The following COLEC10 variants were observed in gnomAD, a reference collection of about 807,000 sequenced individuals.
COLEC10 encodes the protein collectin-10.
COLEC10 carries 22 observed loss-of-function variants against 28.4 expected under a neutral mutation model. The observed-to-expected ratio is 0.78, with a 90% CI of 0.55 to 1.11. COLEC10 has a LOEUF of 1.11. Ranked by LOEUF, COLEC10 falls within the 50% of genes least tolerant of loss-of-function variation. The pLI, the probability that COLEC10 is intolerant of heterozygous loss-of-function variation, is 0.00. For missense variants in COLEC10, 361 were observed against 344.1 expected (o/e 1.05, Z -0.39); for synonymous variants, 125 against 116.1 (o/e 1.08, Z -0.49).
At chr8:119,098,494 C>A (rs1815763823) in intron 3 of COLEC10, among the ~76,000 whole-genome samples, 1 of 152,010 alleles carries the variant, frequency 6.6e-6, no homozygotes, top group Admixed American at 6.6e-5. Context: ...ATCTGTTTCC[C>A]CTCATAGACC....
chr8:119,034,511 GA>G (rs1563723398), intron 2 of COLEC10, among the ~76,000 whole-genome samples: 1 of 151,828 alleles, frequency 6.6e-6, no homozygotes, highest in East Asian at 1.9e-4. Context: ...AGGAGTTCAA[GA>G]TCAGACTGGC....
chr8:119,030,493 G>C (rs1037179595), intron 2 of COLEC10, among the ~76,000 whole-genome samples: 1 of 151,986 alleles, frequency 6.6e-6, no homozygotes, highest in African/African-American at 2.4e-5. Flanking sequence ...GTGAAACCCC[G>C]TCTCTACTAA....
the COLEC10 span, among the ~76,000 whole-genome samples, chr8:118,972,400 C>T: frequency 1.3e-5 from 2 of 151,928 alleles, no homozygotes; most frequent in Non-Finnish European, 2.9e-5. Flanking sequence ...TACCATCTCC[C>T]AGGGAGAATG....
chr8:119,060,567 A>G (rs1474697125), intron 2 of COLEC10, among the ~76,000 whole-genome samples: 2 of 152,172 alleles, frequency 1.3e-5, no homozygotes, highest in South Asian at 2.1e-4. Flanking sequence ...AGTGAGCTAC[A>G]GAAGACTAAA....
chr8:119,072,084 C>T (rs1815135643), intron 1 of COLEC10, among the ~76,000 whole-genome samples: 2 of 152,204 alleles, frequency 1.3e-5, no homozygotes, highest in Admixed American at 6.5e-5. Flanking sequence ...ACACTGCTGC[C>T]TCCTTCACTA....
chr8:119,039,280 GA>G (rs2130148908), intron 2 of COLEC10, among the ~76,000 whole-genome samples: 1 of 152,234 alleles, frequency 6.6e-6, no homozygotes, highest in South Asian at 2.1e-4. Context: ...TTTTCAATAT[GA>G]AATAGCTGCT....
intron 2 of COLEC10, among the ~76,000 whole-genome samples, chr8:119,027,482 T>C (rs10098408): frequency 0.58 from 88,649 of 151,942 alleles, 26,552 homozygotes; most frequent in African/African-American, 0.72. Flanking sequence ...TAGCTAGTGA[T>C]CTTTTATGCA....
intron 2 of COLEC10, among the ~76,000 whole-genome samples, chr8:119,014,587 CT>C (rs1813955848): frequency 6.6e-6 from 1 of 150,380 alleles, no homozygotes; most frequent in Admixed American, 6.6e-5. Context: ...TTTCTCTGAG[CT>C]TCCTAAATCT....
intron 2 of COLEC10, among the ~76,000 whole-genome samples, chr8:119,022,428 T>C (rs1260017930): frequency 1.3e-5 from 2 of 152,066 alleles, no homozygotes; most frequent in East Asian, 3.9e-4. Context: ...TAACATTACA[T>C]AAAGATGACC....
chr8:118,996,975 C>A (rs941704802), intron 1 of COLEC10, among the ~76,000 whole-genome samples: 12 of 152,178 alleles, frequency 7.9e-5, no homozygotes, highest in Admixed American at 5.2e-4. Flanking sequence ...TCAAGCCATT[C>A]ATGCGGGATC....
At chr8:118,953,997 T>C in the COLEC10 span, among the ~76,000 whole-genome samples, 1 of 152,238 alleles carries the variant, frequency 6.6e-6, no homozygotes, top group African/African-American at 2.4e-5. Context: ...CGGCACATAG[T>C]GCTCATTAAG....
intron 2 of COLEC10, among the ~76,000 whole-genome samples, chr8:119,026,126 T>C (rs7013731): frequency 0.58 from 88,810 of 152,156 alleles, 26,611 homozygotes; most frequent in African/African-American, 0.72. Flanking sequence ...TACATTTTTA[T>C]TGAATGACTA....
intron 2 of COLEC10, among the ~76,000 whole-genome samples, chr8:119,053,760 C>G (rs547754369): frequency 6.6e-6 from 1 of 152,012 alleles, no homozygotes; most frequent in East Asian, 1.9e-4. Context: ...AATCTTCATT[C>G]TTTCCTTCAG....
intron 2 of COLEC10, among the ~76,000 whole-genome samples, chr8:119,021,081 T>C (rs1007576880): frequency 5.9e-5 from 9 of 152,162 alleles, no homozygotes; most frequent in Non-Finnish European, 1.0e-4. Flanking sequence ...GTAAGCAACA[T>C]TTTAAGGAGC....
intron 1 of COLEC10, among the ~76,000 whole-genome samples, chr8:119,072,699 A>C (rs191228555): frequency 2.0e-5 from 3 of 151,750 alleles, no homozygotes; most frequent in Non-Finnish European, 2.9e-5. Context: ...CTTTACTTAA[A>C]GCCCCCTTGG....
chr8:119,051,810 A>T (rs1814680800), intron 2 of COLEC10, among the ~76,000 whole-genome samples: 1 of 152,166 alleles, frequency 6.6e-6, no homozygotes, highest in Non-Finnish European at 1.5e-5. Flanking sequence ...AAAGTTAAAG[A>T]TTCTGAATCT....
intron 2 of COLEC10, among the ~76,000 whole-genome samples, chr8:119,023,373 G>T (rs1261486314): frequency 6.6e-6 from 1 of 152,016 alleles, no homozygotes; most frequent in Non-Finnish European, 1.5e-5. Flanking sequence ...CCCTTATACA[G>T]ATATTTTTGA....
Position 119,102,377 on chromosome 8 carries a change from A to G in COLEC10, c.322A>G (p.Ile108Val). ...GDKGEKGLLG[I>V]PGEKGKAGTV... The stretch of plus-strand genomic sequence containing the variant: ...CAAAGGGGAAAAAGGTTTGCTTGGA[A>G]TACCTGGAGAAAAAGGCAAAGCAGG... Residue 108 changes from isoleucine to valine, a missense_variant, in exon 4 of 6, where the codon ATA becomes GTA. Physicochemically the swap from Ile to Val is conservative, Grantham distance 29. Around this residue, in one of 3 missense-constraint regions of COLEC10, gnomAD observed 335 missense variants for 308.5 expected, o/e 1.09. Coordinates refer to ENST00000332843, the MANE Select transcript of COLEC10 (RefSeq NM_006438.5). 1 of 1,609,454 alleles carries G rather than the reference A, an allele frequency of 6.2e-7. No homozygotes were observed. The highest frequency in any genetic ancestry group is 8.5e-7 in the Non-Finnish European group (1 of 1,177,712).
chr8:118,989,950 A>T, the COLEC10 span, among the ~76,000 whole-genome samples: 4 of 152,114 alleles, frequency 2.6e-5, no homozygotes, highest in Non-Finnish European at 4.4e-5. Flanking sequence ...GTTGATTCTC[A>T]AAAAGTTTTG....
Sources: gnomAD v4.1 joint callset for allele counts (sites outside exome capture counted in the v4.1 genomes callset) on GRCh38, gnomAD v4.1.1 for gene constraint, gnomAD v4.1.1 regional missense constraint, MANE v1.5 for transcripts, NCBI Gene and HGNC (gene_info 2026-07-23, HGNC 2026-07-21) for gene names.